PIK3CB: variants seen among roughly 807,000 people sequenced by gnomAD.
PIK3CB encodes phosphatidylinositol 4,5-bisphosphate 3-kinase catalytic subunit beta isoform.
A neutral mutation model predicts 136.8 loss-of-function variants in PIK3CB; 39 were observed. The observed-to-expected ratio is 0.29, with a 90% CI of 0.22 to 0.37. The LOEUF is 0.37. Among genes scored for constraint, PIK3CB ranks in the 10% least tolerant of loss-of-function variants. The pLI is 1.00. For missense variants in PIK3CB, 868 were observed against 1,275.4 expected, an observed-to-expected ratio of 0.68 and a Z score of 4.87; for synonymous variants, 428 against 436.6, an observed-to-expected ratio of 0.98 and a Z score of 0.25.
intron 20 of PIK3CB, 30 bp downstream of exon 20, chr3:138,665,006 A>C (rs1268375718): frequency 4.0e-6 from 6 of 1,509,902 alleles, no homozygotes; most frequent in Non-Finnish European, 5.4e-6. Context: ...GTTTGTACAG[A>C]AAAATGATAA....
chr3:138,778,048 C>A (rs2045880937), intron 2 of PIK3CB: 4 of 360,992 alleles, frequency 1.1e-5, no homozygotes, highest in South Asian at 4.3e-5. Flanking sequence ...ATACCATAAC[C>A]ATTTTCTAGG....
chr3:138,679,748 A>AATTATTATTATTATT (rs59677449), intron 19 of PIK3CB, among the ~76,000 whole-genome samples: 556 of 141,458 alleles, frequency 3.9e-3, no homozygotes, highest in Middle Eastern at 0.021. Flanking sequence ...ATGCCTGGCT[A>AATTATTATTATTATT]ATTATTATTA....
intron 1 of PIK3CB, chr3:138,825,324 A>G (rs1456403146): frequency 4.0e-6 from 2 of 498,888 alleles, no homozygotes; most frequent in Admixed American, 2.7e-5. Flanking sequence ...TAAAGCTGGT[A>G]TCTCCAAAAA....
At chr3:138,752,393 A>C in intron 4 of PIK3CB, among the ~76,000 whole-genome samples, 1 of 152,264 alleles carries the variant, frequency 6.6e-6, no homozygotes, top group East Asian at 1.9e-4. Flanking sequence ...GCATGGCCTC[A>C]TCAAGCCATG....
chr3:138,829,327 A>T (rs1288637758), intron 1 of PIK3CB, among the ~76,000 whole-genome samples: 1 of 152,160 alleles, frequency 6.6e-6, no homozygotes, highest in Non-Finnish European at 1.5e-5. Flanking sequence ...TTCTTAGTGT[A>T]ATGAGAATCC....
intron 1 of PIK3CB, among the ~76,000 whole-genome samples, chr3:138,805,719 T>C (rs993198608): frequency 4.0e-5 from 6 of 151,616 alleles, no homozygotes; most frequent in Non-Finnish European, 8.8e-5. Flanking sequence ...TCTTCTCTTT[T>C]GTTGTTGTTG....
intron 3 of PIK3CB, among the ~76,000 whole-genome samples, chr3:138,758,566 T>G (rs2045613745): frequency 6.6e-6 from 1 of 152,218 alleles, no homozygotes; most frequent in South Asian, 2.1e-4. Flanking sequence ...AGAATTCCAG[T>G]TTCTCTAATG....
At chr3:138,680,306 C>T (rs1410735981) in intron 19 of PIK3CB, among the ~76,000 whole-genome samples, 1 of 151,012 alleles carries the variant, frequency 6.6e-6, no homozygotes, top group East Asian at 2.0e-4. Flanking sequence ...TGCAGTGAGC[C>T]GAGATCGCAC....
At chr3:138,747,238 TGTTCTTAGAA>T (rs1238249646) in intron 4 of PIK3CB, among the ~76,000 whole-genome samples, 1 of 151,142 alleles carries the variant, frequency 6.6e-6, no homozygotes, top group Non-Finnish European at 1.5e-5. Flanking sequence ...GACTTTTCTC[TGTTCTTAGAA>T]GTACTTCCAG....
chr3:138,785,646 C>T (rs1030600365), intron 2 of PIK3CB, among the ~76,000 whole-genome samples: 1 of 151,726 alleles, frequency 6.6e-6, no homozygotes, highest in Non-Finnish European at 1.5e-5. Context: ...ATCACCACTC[C>T]CTAATCTCAA....
At chr3:138,819,761 G>T (rs1461732312) in intron 1 of PIK3CB, among the ~76,000 whole-genome samples, 9 of 152,144 alleles carry the variant, frequency 5.9e-5, no homozygotes. Context: ...GATCATTTGA[G>T]GCCAGGAGTT....
intron 8 of PIK3CB, among the ~76,000 whole-genome samples, chr3:138,723,462 G>C (rs144846536): frequency 6.8e-4 from 104 of 152,190 alleles, no homozygotes; most frequent in African/African-American, 2.5e-3. Context: ...GAGGTGGAAG[G>C]ATCCCTTGAG....
In PIK3CB at chr3:138,769,636, C is replaced by G. The variant is rs557172938; in HGVS notation, c.-16-10277G>C. ...GCAATTAAAATATCATGTGTTTTGT[C>G]AGACTTAAAACTGTAACATGCCACT... On this transcript the variant is annotated intron_variant, in intron 2 of 23. Transcript: ENST00000674063. Among the ~76,000 whole-genome samples, 3 of 152,280 alleles carry G rather than the reference C, an allele frequency of 2.0e-5. No homozygotes were observed. The South Asian group carries it at 6.2e-4, about 32-fold the overall frequency.
chr3:138,794,529 A>G (rs1029090259), intron 2 of PIK3CB, among the ~76,000 whole-genome samples: 1 of 152,184 alleles, frequency 6.6e-6, no homozygotes, highest in African/African-American at 2.4e-5. Context: ...GAAATTTGAC[A>G]CTGGTAATTG....
rs1336336136 is a variant in PIK3CB, at chr3:138,699,088, C to A, written c.1589G>T (p.Gly530Val). Residue 530 changes from glycine to valine, a missense_variant, in exon 13 of 24, where the codon GGT becomes GTT. This residue lies in a region of PIK3CB where 612 missense variants were observed against 801.1 expected (regional missense o/e 0.76). Transcript: ENST00000674063. ...CAATACAGGAAGAAACTTTTTTCCACCTCGACTCTAAAAAAGTAAAATGCT... is the reference window on the plus strand; with the variant it reads ...CAATACAGGAAGAAACTTTTTTCCAACTCGACTCTAAAAAAGTAAAATGCT... ...SSDSANVSSRGGKKFLPVLKE... is the reference protein window; with the variant it reads ...SSDSANVSSRVGKKFLPVLKE... The A allele has an allele frequency of 2.6e-6, 4 of 1,547,970 alleles. No individual in the cohort carries two copies. The highest frequency in any genetic ancestry group is 3.5e-6 in the Non-Finnish European group (4 of 1,137,130).
intron 1 of PIK3CB, among the ~76,000 whole-genome samples, chr3:138,824,644 G>C (rs548496905): frequency 4.6e-5 from 7 of 151,824 alleles, no homozygotes; most frequent in Non-Finnish European, 7.4e-5. Flanking sequence ...AGTGAGCCAA[G>C]ATCACGCCAT....
rs1043027782 is a variant in PIK3CB, at chr3:138,654,647, T to C, written c.*742A>G. The stretch of plus-strand genomic sequence containing the variant: ...ACAGTTACCTAACTGAAAAGTAACT[T>C]AGGAAAAAGCTCTGCTTTTTGTAAA... On this transcript the variant is annotated 3_prime_UTR_variant, in exon 24 of 24. Coordinates refer to ENST00000674063, the MANE Select transcript of PIK3CB (RefSeq NM_006219.3). 1.3e-5 allele frequency: 3 copies of C among 224,458 alleles called. No individual in the cohort carries two copies. The highest frequency in any genetic ancestry group is 2.7e-5 in the Non-Finnish European group (3 of 112,672). 13.9% of individuals were successfully genotyped at this position (224,458 alleles called of 1,614,324 possible).
At chr3:138,704,134 G>A (rs1031160593) in intron 12 of PIK3CB, among the ~76,000 whole-genome samples, 1 of 152,162 alleles carries the variant, frequency 6.6e-6, no homozygotes, top group Non-Finnish European at 1.5e-5. Flanking sequence ...GAGAAATACA[G>A]TCTCCTCATT....
At chr3:138,662,638 G>T (rs1191850451) in intron 21 of PIK3CB, among the ~76,000 whole-genome samples, 5 of 150,352 alleles carry the variant, frequency 3.3e-5, no homozygotes, top group African/African-American at 1.2e-4. Flanking sequence ...GTAATGGGAT[G>T]GCTGGGTCAA....
Sources: gnomAD v4.1 joint callset for allele counts (sites outside exome capture counted in the v4.1 genomes callset) on GRCh38, gnomAD v4.1.1 for gene constraint, gnomAD v4.1.1 regional missense constraint, MANE v1.5 for transcripts, NCBI Gene and HGNC (gene_info 2026-07-23, HGNC 2026-07-21) for gene names.